The following BAIAP2L2 variants were observed in gnomAD, a reference collection of about 807,000 sequenced individuals.
BAIAP2L2 encodes BAR/IMD domain containing adaptor protein 2 like 2, also known as BAR/IMD domain-containing adapter protein 2-like 2.
In BAIAP2L2, 65 loss-of-function variants were observed where a neutral mutation model predicts 60.4. That is an observed-to-expected ratio of 1.08 (90% confidence interval 0.88 to 1.32). BAIAP2L2 has a LOEUF of 1.32. BAIAP2L2 is among the 40% of genes most tolerant of loss of function. BAIAP2L2 has a pLI of 0.00. For synonymous variants in BAIAP2L2, 344 were observed against 301.7 expected (o/e 1.14, Z -1.45); for missense variants, 836 against 741.2 (o/e 1.13, Z -1.48).
At chr22:38,106,235 C>G (rs2086662315) in intron 4 of BAIAP2L2, among the ~76,000 whole-genome samples, 1 of 152,006 alleles carries the variant, frequency 6.6e-6, no homozygotes, top group African/African-American at 2.4e-5. Context: ...AGATTGTTCC[C>G]CCGCCAGGCG....
intron 4 of BAIAP2L2, among the ~76,000 whole-genome samples, chr22:38,101,371 T>TAAAAAAA (rs529893934): frequency 6.2e-5 from 5 of 80,738 alleles, no homozygotes; most frequent in Non-Finnish European, 6.9e-5. Context: ...TGTCTCTACA[T>TAAAAAAA]AAAAAAAAAA....
chr22:38,085,594 C>A, intron 13 of BAIAP2L2, 92 bp downstream of exon 13: 1 of 1,447,860 alleles, frequency 6.9e-7, no homozygotes, highest in Non-Finnish European at 9.7e-7. Context: ...AGAGATCCTC[C>A]TGCCCCAGTC....
intron 6 of BAIAP2L2, 134 bp from the exon 7 acceptor site, chr22:38,097,312 G>A: frequency 1.0e-6 from 1 of 963,756 alleles, no homozygotes; most frequent in Non-Finnish European, 1.5e-6. Flanking sequence ...CCCATCACCC[G>A]GCCCATCCTA....
chr22:38,106,698 A>ACCC (rs2086671940), intron 4 of BAIAP2L2, among the ~76,000 whole-genome samples: 1 of 151,756 alleles, frequency 6.6e-6, no homozygotes, highest in South Asian at 2.1e-4. Context: ...ACCAGGCCCC[A>ACCC]CCCCACCTCT....
At chr22:38,085,843 C>T in intron 12 of BAIAP2L2, 111 bp from the exon 13 acceptor site, 1 of 1,077,436 alleles carries the variant, frequency 9.3e-7, no homozygotes, top group Non-Finnish European at 1.3e-6. Context: ...CCAGAGAGCC[C>T]CTGCCATGCC....
intron 1 of BAIAP2L2, among the ~76,000 whole-genome samples, chr22:38,110,120 G>A (rs368900437): frequency 0.029 from 527 of 18,422 alleles, 1 homozygote; most frequent in Middle Eastern, 0.12. Context: ...AGAGAGAGAG[G>A]GAGAGAGAGA....
chr22:38,087,712 CCTAA>C (rs1460951148), intron 10 of BAIAP2L2, among the ~76,000 whole-genome samples: 6 of 152,058 alleles, frequency 3.9e-5, no homozygotes, highest in African/African-American at 1.4e-4. Flanking sequence ...GACCTTCGCG[CCTAA>C]CTATGAGTCC....
At chr22:38,090,099 A>ATTTTTTTTTTT (rs749685662) in intron 7 of BAIAP2L2, 27 of 75,876 alleles carry the variant, frequency 3.6e-4, no homozygotes, top group South Asian at 1.1e-3. Context: ...TGGAAAATGC[A>ATTTTTTTTTTT]TTTTTTTTTT....
Position 38,087,105 on chromosome 22 carries a change from C to A in BAIAP2L2, c.1259+19G>T. ...TGCCGGCGTCCTCACCCCCGCCCCA[C>A]CCCTGATGACTCAGGTACCTGGAAG... On this transcript the variant is annotated intron_variant, in intron 11 of 13. Coordinates refer to ENST00000381669, the MANE Select transcript of BAIAP2L2 (RefSeq NM_025045.6). The A allele has an allele frequency of 1.9e-6, 3 of 1,542,476 alleles. No individual in the cohort carries two copies. The highest frequency in any genetic ancestry group is 1.2e-5 in the South Asian group (1 of 82,536).
intron 13 of BAIAP2L2, 67 bp from the exon 14 acceptor site, chr22:38,085,442 G>A (rs2086030680): frequency 4.6e-6 from 7 of 1,525,614 alleles, no homozygotes; most frequent in Middle Eastern, 1.7e-4. Flanking sequence ...GGCTCAGGAA[G>A]GCAGCTGGGC....
chr22:38,104,746 T>G (rs898787028), intron 4 of BAIAP2L2, among the ~76,000 whole-genome samples: 1 of 152,188 alleles, frequency 6.6e-6, no homozygotes, highest in Non-Finnish European at 1.5e-5. Context: ...TCCGCCTGCC[T>G]TGGCCTCCCA....
chr22:38,088,315 T>C (rs1011469385), intron 10 of BAIAP2L2, among the ~76,000 whole-genome samples: 3 of 152,178 alleles, frequency 2.0e-5, no homozygotes, highest in African/African-American at 7.2e-5. Flanking sequence ...GTTTAAGTGC[T>C]TTCAGGATTT....
rs1173255703 is a variant in BAIAP2L2, at chr22:38,088,879, G to T, written c.987C>A (p.Val329=). Residue 329 remains valine, a synonymous_variant, in exon 10 of 14, where the codon GTC becomes GTA. Coordinates refer to ENST00000381669, the MANE Select transcript of BAIAP2L2 (RefSeq NM_025045.6). Reference sequence around the variant, plus strand: ...CCTCCGAGTGGGAGACCAGGGCGCGGACTCTCCTGGCGCCCCCGCCGCCGC... The same window carrying T: ...CCTCCGAGTGGGAGACCAGGGCGCGTACTCTCCTGGCGCCCCCGCCGCCGC... ...RPGGGGGARR[V]RALVSHSEGA... 3.8e-6 allele frequency: 6 copies of T among 1,588,112 alleles called. No individual in the cohort carries two copies. Among genetic ancestry groups the T allele is most frequent in the Non-Finnish European group, 5.1e-6 (6 of 1,175,002 alleles).
chr22:38,106,788 C>A (rs2086674030), intron 4 of BAIAP2L2, among the ~76,000 whole-genome samples: 2 of 152,228 alleles, frequency 1.3e-5, no homozygotes, highest in South Asian at 4.1e-4. Flanking sequence ...CGCTGCCATG[C>A]TCCCTTGGAA....
At chr22:38,095,882 A>C (rs548718875) in intron 7 of BAIAP2L2, among the ~76,000 whole-genome samples, 2 of 152,354 alleles carry the variant, frequency 1.3e-5, no homozygotes, top group Admixed American at 6.5e-5. Context: ...AATGTATAGT[A>C]TAATAACTCA....
chr22:38,098,658 A>G lies in BAIAP2L2; in HGVS notation c.277-176T>C, dbSNP rs115052698. On this transcript the variant is annotated intron_variant, in intron 4 of 13. Transcript: ENST00000381669. The stretch of plus-strand genomic sequence containing the variant: ...ACCACCTGGCTGGAGGGAGGACGAA[A>G]TGGTTAAACATTCACAATGTTTAGT... 5.5e-3 allele frequency among the ~76,000 whole-genome samples: 841 copies of G among 152,330 alleles called. 5 individuals are homozygous for G. The highest frequency in any genetic ancestry group is 0.019 in the African/African-American group (800 of 41,574).
chr22:38,109,096 C>T, intron 2 of BAIAP2L2, 37 bp downstream of exon 2: 3 of 1,566,286 alleles, frequency 1.9e-6, no homozygotes, highest in Non-Finnish European at 2.6e-6. Flanking sequence ...CAGCAGAGGC[C>T]CAGGGCTGGG....
chr22:38,088,138 C>G (rs1011816478), intron 10 of BAIAP2L2, among the ~76,000 whole-genome samples: 5 of 152,246 alleles, frequency 3.3e-5, no homozygotes, highest in African/African-American at 1.2e-4. Context: ...CGAGGGGGCA[C>G]TGCCTGGCTC....
intron 10 of BAIAP2L2, 28 bp downstream of exon 10, chr22:38,088,720 C>T (rs772393636): frequency 1.4e-6 from 2 of 1,447,152 alleles, no homozygotes; most frequent in African/African-American, 1.4e-5. Flanking sequence ...CTCAACCCAC[C>T]CCCGGCCCCT....
Sources: gnomAD v4.1 joint callset for allele counts (sites outside exome capture counted in the v4.1 genomes callset) on GRCh38, gnomAD v4.1.1 for gene constraint, MANE v1.5 for transcripts, NCBI Gene and HGNC (gene_info 2026-07-23, HGNC 2026-07-21) for gene names.